The following SUCO variants were observed in gnomAD, a reference collection of about 807,000 sequenced individuals.
SUCO encodes the protein SUN domain containing ossification factor.
In SUCO, 57 loss-of-function variants were observed where a neutral mutation model predicts 148.1. The ratio of observed to expected loss-of-function variants is 0.38; its 90% confidence interval spans 0.31 to 0.48. The LOEUF (loss-of-function observed/expected upper bound fraction) is 0.48, where lower values mean the gene tolerates loss of function less well. Among genes scored for constraint, SUCO ranks in the 20% least tolerant of loss-of-function variants. The pLI, the probability that SUCO is intolerant of heterozygous loss-of-function variation, is 0.96. For synonymous variants in SUCO, 470 were observed against 502.7 expected, an observed-to-expected ratio of 0.93 and a Z score of 0.87; for missense variants, 1,331 against 1,468.2, an observed-to-expected ratio of 0.91 and a Z score of 1.53.
At chr1:172,568,896 C>T in intron 6 of SUCO, 123 bp from the exon 7 acceptor site, 1 of 947,272 alleles carries the variant, frequency 1.1e-6, no homozygotes, top group Non-Finnish European at 1.5e-6. Flanking sequence ...TTTATTTTTT[C>T]AAAATATAAT....
chr1:172,576,678 T>G (rs1655463946), intron 11 of SUCO, among the ~76,000 whole-genome samples: 1 of 151,726 alleles, frequency 6.6e-6, no homozygotes, highest in South Asian at 2.1e-4. Flanking sequence ...AAGGATATTT[T>G]ATTGGAAACA....
chr1:172,609,834 A>C lies in SUCO; in HGVS notation c.3340A>C (p.Lys1114Gln). Residue 1114 changes from lysine to glutamine, a missense_variant, in exon 24 of 24, where the codon AAA becomes CAA. Physicochemically the swap from Lys to Gln is moderately conservative, Grantham distance 53. Around this residue, in one of 3 missense-constraint regions of SUCO, gnomAD observed 334 missense variants for 352.3 expected, o/e 0.95. Transcript: ENST00000263688. ...PEKKKKRCKY[K>Q]IEKIETIKPE... The stretch of plus-strand genomic sequence containing the variant: ...GTTGTAGAAGAAGCGCTGCAAGTAC[A>C]AAATTGAAAAAATTGAGACCATAAA... 1 of 1,596,308 alleles carries C rather than the reference A, an allele frequency of 6.3e-7. No homozygotes were observed. The highest frequency in any genetic ancestry group is 8.5e-7 in the Non-Finnish European group (1 of 1,174,960).
chr1:172,533,184 T>C lies in SUCO; in HGVS notation c.-252T>C, dbSNP rs1392480904. The C allele has an allele frequency of 6.7e-7, 1 of 1,491,954 alleles. No individual in the cohort carries two copies. The highest frequency in any genetic ancestry group is 2.5e-5 in the East Asian group (1 of 39,878). 92.4% of individuals were successfully genotyped at this position (1,491,954 alleles called of 1,614,324 possible). A position where few individuals can be genotyped will look rare whatever the true frequency, so the allele number is the denominator to read the frequency against. Reference sequence around the variant, plus strand: ...CAGTGGCGGCTGCAGGAGGCGGGCGTGGACGAGCCGGTGGCTGCAGCGGCG... The same window carrying C: ...CAGTGGCGGCTGCAGGAGGCGGGCGCGGACGAGCCGGTGGCTGCAGCGGCG... On this transcript the variant is annotated 5_prime_UTR_variant, in exon 1 of 24. Coordinates refer to ENST00000263688, the MANE Select transcript of SUCO (RefSeq NM_014283.5).
At chr1:172,562,958 T>G (rs538461568) in intron 6 of SUCO, among the ~76,000 whole-genome samples, 1 of 152,140 alleles carries the variant, frequency 6.6e-6, no homozygotes, top group Non-Finnish European at 1.5e-5. Flanking sequence ...TGTGTAGTGC[T>G]TACCCCTTCA....
At chr1:172,608,122 A>T in intron 22 of SUCO, 1 of 979,264 alleles carries the variant, frequency 1.0e-6, no homozygotes, top group Non-Finnish European at 1.2e-6. Flanking sequence ...TAAAACTAAT[A>T]AATCTAATTT....
intron 15 of SUCO, among the ~76,000 whole-genome samples, chr1:172,580,970 G>A (rs372726586): frequency 1.7e-5 from 2 of 120,120 alleles, no homozygotes; most frequent in Admixed American, 9.0e-5. Context: ...AGCATGGTGC[G>A]TGCGCCTATA....
intron 6 of SUCO, among the ~76,000 whole-genome samples, chr1:172,559,423 A>G (rs1014048709): frequency 6.6e-6 from 1 of 152,162 alleles, no homozygotes; most frequent in Non-Finnish European, 1.5e-5. Flanking sequence ...AATGTATCTG[A>G]TGCAGGACAG....
chr1:172,583,724 T>G (rs116291341), intron 15 of SUCO, among the ~76,000 whole-genome samples: 1,723 of 152,278 alleles, frequency 0.011, 34 homozygotes, highest in African/African-American at 0.039. Flanking sequence ...TCTTAGTATT[T>G]TAATAGTAGG....
At chr1:172,532,415 G>A, upstream of SUCO, 4 of 1,368,122 alleles carry the variant, frequency 2.9e-6, no homozygotes, top group African/African-American at 1.4e-5. Context: ...CCCGGCAAGC[G>A]GCGAAATTCT....
At chr1:172,601,191 A>G (rs1213323787) in intron 20 of SUCO, among the ~76,000 whole-genome samples, 1 of 152,176 alleles carries the variant, frequency 6.6e-6, no homozygotes, top group Non-Finnish European at 1.5e-5. Flanking sequence ...CAGGAAACCA[A>G]TTAAGAGGTA....
intron 16 of SUCO, 124 bp downstream of exon 16, chr1:172,585,210 G>A: frequency 1.1e-6 from 1 of 871,402 alleles, no homozygotes; most frequent in Admixed American, 3.6e-5. Context: ...AAATAATTCA[G>A]AGGAACTTAC....
chr1:172,583,148 G>A (rs1357831925), intron 15 of SUCO, among the ~76,000 whole-genome samples: 4 of 151,992 alleles, frequency 2.6e-5, no homozygotes, highest in Admixed American at 6.5e-5. Context: ...CATTATAAAG[G>A]GTGTATGAGG....
At chr1:172,546,534 G>A (rs1251055395) in intron 1 of SUCO, among the ~76,000 whole-genome samples, 1 of 152,140 alleles carries the variant, frequency 6.6e-6, no homozygotes, top group African/African-American at 2.4e-5. Context: ...TGGCTAAGAG[G>A]CGCAGGCTTC....
chr1:172,533,450 G>A lies in SUCO; in HGVS notation c.15G>A (p.Arg5=), dbSNP rs1651767470. The A allele has an allele frequency of 6.4e-7, 1 of 1,565,132 alleles. No homozygotes were observed. Among genetic ancestry groups the A allele is most frequent in the Non-Finnish European group, 8.7e-7 (1 of 1,154,560 alleles). The part of the protein sequence containing the change: MKKH[R]RALALVSCLF... The stretch of plus-strand genomic sequence containing the variant: ...AGGAGGAGAAGATGAAGAAGCACCG[G>A]CGGGCCTTGGCCCTGGTCTCCTGCC... Residue 5 remains arginine, a synonymous_variant, in exon 1 of 24, where the codon CGG becomes CGA. Coordinates refer to ENST00000263688, the MANE Select transcript of SUCO (RefSeq NM_014283.5).
At chr1:172,543,194 A>G (rs1036505828) in intron 1 of SUCO, 4 of 189,094 alleles carry the variant, frequency 2.1e-5, no homozygotes, top group African/African-American at 7.1e-5. Context: ...AAAACTTTAA[A>G]CCTTGATAAT....
At chr1:172,556,821 A>G in intron 4 of SUCO, 2 of 812,860 alleles carry the variant, frequency 2.5e-6, no homozygotes, top group African/African-American at 1.9e-5. Flanking sequence ...AGTGAATGCT[A>G]TACTCCCATT....
chr1:172,577,779 C>T lies in SUCO; in HGVS notation c.1300C>T (p.His434Tyr). The stretch of plus-strand genomic sequence containing the variant: ...TATTCTTTAGGTTGAGTTGCTATCA[C>T]ATTTTGGATCAGAGCACTTTTGTCC... ...IKYIKVELLS[H>Y]FGSEHFCPLS... is the part of the protein sequence containing the mutation. Residue 434 changes from histidine to tyrosine, a missense_variant, in exon 13 of 24, where the codon CAT (histidine) becomes TAT (tyrosine). By Grantham distance (83) the His-to-Tyr change is moderately conservative. Transcript: ENST00000263688. 1 of 1,611,848 alleles carries T rather than the reference C, an allele frequency of 6.2e-7. No homozygotes were observed. The highest frequency in any genetic ancestry group is 8.5e-7 in the Non-Finnish European group (1 of 1,178,584).
At chr1:172,601,971 C>G (rs1657558955) in intron 20 of SUCO, 93 bp from the exon 21 acceptor site, 4 of 1,276,804 alleles carry the variant, frequency 3.1e-6, no homozygotes, top group Non-Finnish European at 3.1e-6. Flanking sequence ...TAAAAAAATA[C>G]TTAAAATGAT....
chr1:172,562,736 C>T (rs1234304098), intron 6 of SUCO, among the ~76,000 whole-genome samples: 1 of 152,148 alleles, frequency 6.6e-6, no homozygotes, highest in Non-Finnish European at 1.5e-5. Flanking sequence ...CTTTATGAAC[C>T]TTGTCACGAC....
Sources: gnomAD v4.1 joint callset for allele counts (sites outside exome capture counted in the v4.1 genomes callset) on GRCh38, gnomAD v4.1.1 for gene constraint, gnomAD v4.1.1 regional missense constraint, MANE v1.5 for transcripts, NCBI Gene and HGNC (gene_info 2026-07-23, HGNC 2026-07-21) for gene names.